The following TRAK2 variants were observed in gnomAD, a reference collection of about 807,000 sequenced individuals.
The protein encoded by TRAK2 is trafficking kinesin protein 2, also known as trafficking kinesin-binding protein 2.
A neutral mutation model predicts 104.6 loss-of-function variants in TRAK2; 81 were observed. The observed-to-expected ratio is 0.77, with a 90% confidence interval of 0.65 to 0.93. The LOEUF (loss-of-function observed/expected upper bound fraction) is 0.93. Among genes scored for constraint, TRAK2 ranks in the 40% least tolerant of loss-of-function variants. The pLI is 0.00. For synonymous variants in TRAK2, 406 were observed against 394.4 expected (o/e 1.03, Z -0.35); for missense variants, 1,002 against 1,089.0 (o/e 0.92, Z 1.12).
intron 2 of TRAK2, chr2:201,419,449 C>T (rs1458196122): frequency 6.5e-6 from 1 of 154,662 alleles, no homozygotes; most frequent in Non-Finnish European, 1.5e-5. Context: ...AAACATTTTG[C>T]TGTACAAAAG....
chr2:201,424,623 GAC>G (rs1951770979), intron 1 of TRAK2, among the ~76,000 whole-genome samples: 1 of 150,130 alleles, frequency 6.7e-6, no homozygotes, highest in Admixed American at 6.6e-5. Flanking sequence ...TTGTTTTTGA[GAC>G]AGAGTCTCAC....
At chr2:201,430,606 G>A (rs188792110) in intron 1 of TRAK2, among the ~76,000 whole-genome samples, 46 of 152,348 alleles carry the variant, frequency 3.0e-4, no homozygotes, top group East Asian at 1.4e-3. Context: ...CCAAGGCTCC[G>A]TGGGCATGGG....
In TRAK2 at chr2:201,417,241, CAAAAAAAA is replaced by C. The variant is rs61702415; in HGVS notation, c.91+3168_91+3175del. ...ATATCAAAATAAAGCGAAGACATTGCAAAAAAAAAAAAAAAAAAGAAAAGAAAAAAGAA... is the reference window on the plus strand; with the variant it reads ...ATATCAAAATAAAGCGAAGACATTGCAAAAAAAAAAGAAAAGAAAAAAGAA... On this transcript the variant is annotated intron_variant, in intron 2 of 15. Coordinates refer to ENST00000332624, the MANE Select transcript of TRAK2 (RefSeq NM_015049.3). Among the ~76,000 whole-genome samples the C allele has an allele frequency of 9.0e-5, 8 of 88,416 alleles. No homozygotes were observed. In the South Asian group the frequency reaches 1.8e-3, roughly 19 times the overall value. 58.0% of individuals were successfully genotyped at this position (88,416 alleles called of 152,430 possible). A position where few individuals can be genotyped will look rare whatever the true frequency, so the allele number is the denominator to read the frequency against.
chr2:201,423,899 T>C (rs557610009), intron 1 of TRAK2, among the ~76,000 whole-genome samples: 3 of 152,334 alleles, frequency 2.0e-5, no homozygotes, highest in African/African-American at 4.8e-5. Context: ...ACTATTTTCT[T>C]GAAATATGTT....
intron 14 of TRAK2, 52 bp from the exon 15 acceptor site, chr2:201,384,268 A>C: frequency 1.5e-6 from 2 of 1,296,744 alleles, no homozygotes; most frequent in Non-Finnish European, 2.2e-6. Context: ...TAGATTAATA[A>C]TGTAAAAAGC....
At chr2:201,401,988 A>C (rs984564548) in intron 3 of TRAK2, among the ~76,000 whole-genome samples, 2 of 152,168 alleles carry the variant, frequency 1.3e-5, no homozygotes, top group African/African-American at 4.8e-5. Flanking sequence ...GGGGCTTTGG[A>C]GTAGAAAAGC....
Position 201,423,028 on chromosome 2 carries a change from A to C in TRAK2, c.-199-2322T>G, listed in dbSNP as rs576645372. ...ATTTTATGTTGGAATAACAACAGCAACACCACCACCACACACACACACACA... is the reference window on the plus strand; with the variant it reads ...ATTTTATGTTGGAATAACAACAGCACCACCACCACCACACACACACACACA... On this transcript the variant is annotated intron_variant, in intron 1 of 15. Coordinates refer to ENST00000332624, the MANE Select transcript of TRAK2 (RefSeq NM_015049.3). Among the ~76,000 whole-genome samples the C allele has an allele frequency of 1.4e-4, 20 of 138,336 alleles. No individual in the cohort carries two copies. The East Asian group carries it at 1.5e-3, about 10-fold the overall frequency. 90.8% of individuals were successfully genotyped at this position (138,336 alleles called of 152,430 possible). A position where few individuals can be genotyped will look rare whatever the true frequency, so the allele number is the denominator to read the frequency against.
At chr2:201,406,668 C>T (rs1282663617) in intron 3 of TRAK2, among the ~76,000 whole-genome samples, 1 of 152,210 alleles carries the variant, frequency 6.6e-6, no homozygotes, top group East Asian at 1.9e-4. Context: ...CAGTATTGAA[C>T]TCATAAGCTT....
At position 201,378,792 on chromosome 2, in the gene TRAK2, T is replaced by C. The variant is rs1193955583; in HGVS notation, c.*1751A>G. The C allele has an allele frequency of 2.0e-5, 3 of 152,202 alleles. No homozygotes were observed. The East Asian group carries it at 5.8e-4, about 29-fold the overall frequency. The allele number at this position is 152,202 out of a possible 1,614,324, so 9.4% of individuals were successfully genotyped here. ...TTGTGGAATTTATTTAGAAAAATTT[T>C]ATTGAGAGATTCTAAAAAGTATAAG... On this transcript the variant is annotated 3_prime_UTR_variant, in exon 16 of 16. Transcript: ENST00000332624.
chr2:201,451,279 G>A (rs1576545456), intron 1 of TRAK2, 71 bp downstream of exon 1: 1 of 152,314 alleles, frequency 6.6e-6, no homozygotes, highest in South Asian at 2.1e-4. Flanking sequence ...ACCTTGGGAC[G>A]AGGAGGTCCC....
At chr2:201,386,589 A>C (rs1349658255) in intron 13 of TRAK2, 105 bp from the exon 14 acceptor site, 1 of 1,388,458 alleles carries the variant, frequency 7.2e-7, no homozygotes, top group African/African-American at 1.4e-5. Context: ...TGACAGCAAT[A>C]AAACTATTTA....
intron 10 of TRAK2, among the ~76,000 whole-genome samples, 163 bp from the exon 11 acceptor site, chr2:201,390,043 C>T (rs1017490262): frequency 2.6e-5 from 4 of 152,094 alleles, no homozygotes; most frequent in Non-Finnish European, 5.9e-5. Flanking sequence ...TAAATAAGAA[C>T]CAACTACCTT....
chr2:201,414,243 C>A (rs1411969126), intron 2 of TRAK2, among the ~76,000 whole-genome samples: 1 of 152,088 alleles, frequency 6.6e-6, no homozygotes, highest in East Asian at 1.9e-4. Context: ...CCCAGTACTG[C>A]CCATCATTTA....
In TRAK2 at chr2:201,380,568, T is replaced by G; in HGVS notation, c.2720A>C (p.Lys907Thr). 6.2e-7 allele frequency: 1 copy of G among 1,613,876 alleles called. No individual in the cohort carries two copies. The change falls in exon 16 of 16, where the codon AAA becomes ACA. Residue 907 changes from lysine to threonine, a missense_variant. Transcript: ENST00000332624. ...FAAPVCTSSP[K>T]MGVLKED ...TCAGTCCTCCTTCAGGACACCCATT[T>G]TGGGTGAGGATGTGCAAACTGGGGC...
chr2:201,407,509 A>T lies in TRAK2; in HGVS notation c.180T>A (p.Thr60=), dbSNP rs779803419. Residue 60 remains threonine, a synonymous_variant, in exon 3 of 16, where the codon ACT becomes ACA. Coordinates refer to ENST00000332624, the MANE Select transcript of TRAK2 (RefSeq NM_015049.3). ...QLPQYRLKVD[T]LFLYENQDWT... is the part of the protein sequence containing the mutation. ...AGTCTTGATTTTCATATAGAAAGAG[A>T]GTGTCTACTTTTAGCCTATACTGTG... 28 of 1,613,996 alleles carry T rather than the reference A, an allele frequency of 1.7e-5. No homozygotes were observed. Among genetic ancestry groups the T allele is most frequent in the Admixed American group, 3.3e-5 (2 of 60,000 alleles).
intron 2 of TRAK2, among the ~76,000 whole-genome samples, chr2:201,414,829 T>C (rs2714492): frequency 0.027 from 2,500 of 93,018 alleles, 78 homozygotes; most frequent in African/African-American, 0.072. Flanking sequence ...GACTATTAGG[T>C]ATTCAACGGT....
intron 10 of TRAK2, among the ~76,000 whole-genome samples, chr2:201,390,968 T>C (rs1477425039): frequency 5.3e-5 from 8 of 151,868 alleles, no homozygotes; most frequent in Admixed American, 5.2e-4. Flanking sequence ...TATATATATA[T>C]GGATGAAAAC....
chr2:201,413,581 T>C (rs973446965), intron 2 of TRAK2, among the ~76,000 whole-genome samples: 7 of 152,118 alleles, frequency 4.6e-5, no homozygotes, highest in African/African-American at 1.7e-4. Flanking sequence ...ACTGCTAAAA[T>C]AAGGTTGCTA....
intron 1 of TRAK2, among the ~76,000 whole-genome samples, chr2:201,443,721 C>T (rs967553660): frequency 6.6e-6 from 1 of 152,026 alleles, no homozygotes; most frequent in Non-Finnish European, 1.5e-5. Flanking sequence ...CCAATATATA[C>T]CTCAAATCTA....
Sources: gnomAD v4.1 joint callset for allele counts (sites outside exome capture counted in the v4.1 genomes callset) on GRCh38, gnomAD v4.1.1 for gene constraint, MANE v1.5 for transcripts, NCBI Gene and HGNC (gene_info 2026-07-23, HGNC 2026-07-21) for gene names.